The following RUFY4 variants were observed in gnomAD, a reference collection of about 807,000 sequenced individuals.
RUFY4 encodes RUN and FYVE domain-containing protein 4.
RUFY4 carries 73 observed loss-of-function variants against 69.0 expected under a neutral mutation model. The observed-to-expected ratio is 1.06, with a 90% CI of 0.88 to 1.29. RUFY4 has a LOEUF of 1.29. Ranked by LOEUF, RUFY4 falls within the 50% of genes most tolerant of loss-of-function variation. RUFY4 has a pLI of 0.00. For synonymous variants in RUFY4, 287 were observed against 271.8 expected (o/e 1.06, Z -0.55); for missense variants, 770 against 705.6 (o/e 1.09, Z -1.03).
intron 9 of RUFY4, among the ~76,000 whole-genome samples, chr2:218,085,859 A>G (rs980027054): frequency 6.6e-6 from 1 of 152,250 alleles, no homozygotes; most frequent in African/African-American, 2.4e-5. Flanking sequence ...AAGGGAAGCC[A>G]CTAGTCAACC....
Position 218,084,092 on chromosome 2 carries a change from G to A in RUFY4, c.1502+836G>A, listed in dbSNP as rs557469344. On this transcript the variant is annotated intron_variant, in intron 9 of 10. Coordinates refer to ENST00000344321, the Ensembl canonical transcript of RUFY4. ...AAGCTCACTGAGAGATGGGGAAGAT[G>A]CGGAAAGCATAGTTCCTGCCCTTTA... 5.3e-5 allele frequency among the ~76,000 whole-genome samples: 8 copies of A among 152,308 alleles called. No homozygotes were observed. The South Asian group carries it at 1.4e-3, about 28-fold the overall frequency.
intron 10 of RUFY4, chr2:218,089,734 C>G (rs1157414383): frequency 1.4e-6 from 1 of 704,232 alleles, no homozygotes; most frequent in Admixed American, 2.0e-5. Flanking sequence ...CCAGGAGAAG[C>G]TGCCATGTGG....
At chr2:218,073,926 A>G (rs566916156) in intron 6 of RUFY4, 41 bp downstream of exon 8, 5 of 1,594,498 alleles carry the variant, frequency 3.1e-6, no homozygotes, top group South Asian at 1.1e-5. Context: ...CCTCTTCCCC[A>G]TCTCCTTGGC....
At chr2:218,040,580 T>C (rs1005570078) in intron 2 of RUFY4, among the ~76,000 whole-genome samples, 1 of 152,154 alleles carries the variant, frequency 6.6e-6, no homozygotes, top group Admixed American at 6.5e-5. Flanking sequence ...TGTACTAAAC[T>C]CTGACTTCAT....
intron 7 of RUFY4, 21 bp downstream of exon 9, chr2:218,075,761 T>C (rs1689617296): frequency 7.2e-7 from 1 of 1,380,314 alleles, no homozygotes; most frequent in African/African-American, 1.5e-5. Context: ...TTGAGCTCCA[T>C]ACCTGGTTAT....
intron 9 of RUFY4, among the ~76,000 whole-genome samples, 162 bp from the exon 12 acceptor site, chr2:218,089,090 C>T (rs577235421): frequency 2.0e-5 from 3 of 152,114 alleles, no homozygotes; most frequent in South Asian, 4.2e-4. Context: ...TTTTTATTTC[C>T]GTATGTGTCC....
At position 218,057,131 on chromosome 2, in the gene RUFY4, A is replaced by G. The variant is rs971211927; in HGVS notation, c.-1157-1464A>G. 4.6e-5 allele frequency among the ~76,000 whole-genome samples: 7 copies of G among 151,892 alleles called. No homozygotes were observed. The East Asian group carries it at 1.3e-3, about 29-fold the overall frequency. ...GACTAGTTTTACCCAGCGCTGTCCT[A>G]TCTATCAGAGCTTGTCAACTCCCAA... On this transcript the variant is annotated intron_variant and NMD_transcript_variant, in intron 2 of 13. Transcript: ENST00000457754.
intron 5 of RUFY4, 25 bp from the exon 8 acceptor site, chr2:218,073,791 G>A (rs769408470): frequency 3.1e-6 from 5 of 1,613,454 alleles, no homozygotes; most frequent in East Asian, 4.5e-5. Context: ...GAGGCCCAGG[G>A]TCCCCCTGCC....
At chr2:218,073,446 G>C in intron 5 of RUFY4, 60 bp downstream of exon 7, 1 of 1,553,330 alleles carries the variant, frequency 6.4e-7, no homozygotes, top group Non-Finnish European at 8.7e-7. Context: ...GGCCACCAAG[G>C]GTCCCAGGCA....
rs367739399 is a variant in RUFY4 at position 218,080,098 on chromosome 2, T to A, written c.1356-3012T>A. On this transcript the variant is annotated intron_variant, in intron 8 of 10. Coordinates refer to ENST00000344321, the Ensembl canonical transcript of RUFY4. ...AGGGGAATGTCCGGAAGACATGCGT[T>A]TGTTGACAGGCAGGCCAGATGCATA... Among the ~76,000 whole-genome samples the A allele has an allele frequency of 1.8e-4, 27 of 152,242 alleles. No homozygotes were observed. The East Asian group carries it at 2.1e-3, about 12-fold the overall frequency.
intron 9 of RUFY4, among the ~76,000 whole-genome samples, chr2:218,088,668 G>T (rs1446213008): frequency 6.6e-6 from 1 of 152,094 alleles, no homozygotes; most frequent in East Asian, 1.9e-4. Flanking sequence ...TTAAATCATG[G>T]GTCAAGGTTA....
At position 218,083,109 on chromosome 2, in the gene RUFY4, G is replaced by T; in HGVS notation, c.1356-1G>T. ...GAACCTAGTCTTCCTTCTGTACCCAGGTGTCAGGAAGAGAGAGCCGAGCTG... is the reference window on the plus strand; with the variant it reads ...GAACCTAGTCTTCCTTCTGTACCCATGTGTCAGGAAGAGAGAGCCGAGCTG... On this transcript the variant is annotated splice_acceptor_variant, in intron 8 of 10. Transcript: ENST00000344321. LOFTEE classifies it high-confidence loss of function. 6.2e-7 allele frequency: 1 copy of T among 1,612,852 alleles called. No homozygotes were observed. Among genetic ancestry groups the T allele is most frequent in the Middle Eastern group, 1.8e-4 (1 of 5,416 alleles).
At chr2:218,072,289 T>G (rs1689506919) in intron 2 of RUFY4, 85 bp from the exon 5 acceptor site, 1 of 1,479,062 alleles carries the variant, frequency 6.8e-7, no homozygotes, top group Non-Finnish European at 9.0e-7. Flanking sequence ...TCTCCTCCAG[T>G]ACATGTCCCC....
At chr2:218,072,804 G>C (rs56214433) in exon 4 of RUFY4, 2 of 1,534,624 alleles carry the variant, frequency 1.3e-6, no homozygotes. Context: ...GGGAAAGGCC[G>C]TGCCTTCATC....
upstream of RUFY4, among the ~76,000 whole-genome samples, chr2:218,069,839 G>C (rs1020896405): frequency 2.6e-5 from 4 of 152,152 alleles, no homozygotes; most frequent in Non-Finnish European, 4.4e-5. Context: ...GCCACCAGCT[G>C]TCAGGGCCAC....
intron 2 of RUFY4, among the ~76,000 whole-genome samples, chr2:218,040,412 C>T (rs1311031759): frequency 2.6e-5 from 4 of 152,196 alleles, no homozygotes; most frequent in South Asian, 2.1e-4. Flanking sequence ...CGGTTGGACA[C>T]ACCTGGCTGG....
At chr2:218,070,078 A>G (rs973477531), upstream of RUFY4, among the ~76,000 whole-genome samples, 1 of 152,154 alleles carries the variant, frequency 6.6e-6, no homozygotes, top group East Asian at 1.9e-4. Context: ...GAGGAGACTG[A>G]GTACCCAGGC....
chr2:218,080,838 G>A (rs950485871), intron 8 of RUFY4, among the ~76,000 whole-genome samples: 1 of 152,182 alleles, frequency 6.6e-6, no homozygotes, highest in Non-Finnish European at 1.5e-5. Context: ...GGGTGAAGGT[G>A]TAGGGAGGCA....
At chr2:218,055,153 G>C (rs1689033743) in intron 2 of RUFY4, among the ~76,000 whole-genome samples, 1 of 152,172 alleles carries the variant, frequency 6.6e-6, no homozygotes. Context: ...CCATCACTTT[G>C]GGAGGCTGAG....
Sources: allele counts gnomAD v4.1 joint callset (sites outside exome capture counted in the v4.1 genomes callset), GRCh38; gene constraint gnomAD v4.1.1; transcripts MANE v1.5; gene names NCBI Gene and HGNC (gene_info 2026-07-23, HGNC 2026-07-21).